KIAA1549L: variants seen among roughly 807,000 people sequenced by gnomAD.
KIAA1549L encodes UPF0606 protein KIAA1549L.
Under a neutral mutation model 160.7 loss-of-function variants are expected in KIAA1549L, and 88 were observed. That is an observed-to-expected ratio of 0.55 (90% CI 0.46 to 0.65). The LOEUF is 0.65. Among genes scored for constraint, KIAA1549L ranks in the 30% least tolerant of loss-of-function variants. The pLI, the probability that KIAA1549L is intolerant of heterozygous loss-of-function variation, is 0.00. For missense variants in KIAA1549L, 2,258 were observed against 2,437.5 expected (o/e 0.93, Z 1.55); for synonymous variants, 950 against 976.7 (o/e 0.97, Z 0.51).
chr11:33,476,266 G>A (rs558828040), intron 1 of KIAA1549L, among the ~76,000 whole-genome samples: 1 of 152,210 alleles, frequency 6.6e-6, no homozygotes, highest in East Asian at 1.9e-4. Flanking sequence ...ATAAGACATC[G>A]AGATGAATGA....
At chr11:33,642,577 A>C (rs1208297870) in intron 16 of KIAA1549L, among the ~76,000 whole-genome samples, 2 of 98,016 alleles carry the variant, frequency 2.0e-5, no homozygotes, top group Non-Finnish European at 4.0e-5. Context: ...ATTTAAAGAG[A>C]GTGACGGGGT....
chr11:33,498,493 C>G (rs1160810475), intron 1 of KIAA1549L, among the ~76,000 whole-genome samples: 1 of 152,116 alleles, frequency 6.6e-6, no homozygotes, highest in Non-Finnish European at 1.5e-5. Context: ...CAGTGAGGAC[C>G]AACTTGGATA....
At position 33,670,803 on chromosome 11, in the gene KIAA1549L, T is replaced by A. The variant is rs59512852; in HGVS notation, c.*2649T>A. On this transcript the variant is annotated 3_prime_UTR_variant, in exon 21 of 21. Coordinates refer to ENST00000658780, the MANE Select transcript of KIAA1549L (RefSeq NM_012194.3). ...ACCCTGTTCATCAGAACCCTCTAGA[T>A]AGTCACAGAAGCCACAAAAGGACCT... The A allele has an allele frequency of 6.6e-6, 1 of 152,260 alleles. No individual in the cohort carries two copies. The highest frequency in any genetic ancestry group is 2.1e-4 in the South Asian group (1 of 4,830). 9.4% of individuals were successfully genotyped at this position (152,260 alleles called of 1,614,324 possible). A position where few individuals can be genotyped will look rare whatever the true frequency, so the allele number is the denominator to read the frequency against.
chr11:33,599,040 G>A (rs1850285931), intron 13 of KIAA1549L, 93 bp downstream of exon 13: 2 of 1,428,380 alleles, frequency 1.4e-6, no homozygotes, highest in Non-Finnish European at 9.6e-7. Context: ...CTCACACACA[G>A]CCACTGGGCT....
At chr11:33,403,345 G>A (rs796101399) in intron 1 of KIAA1549L, 519 of 4,364 alleles carry the variant, frequency 0.12, 6 homozygotes, top group South Asian at 0.26. Context: ...ATGCAGACAC[G>A]CAGACAGACA....
intron 1 of KIAA1549L, among the ~76,000 whole-genome samples, chr11:33,425,249 C>G (rs1162025982): frequency 6.6e-6 from 1 of 152,136 alleles, no homozygotes; most frequent in African/African-American, 2.4e-5. Context: ...TTTCTTACAG[C>G]TCTTCTTCTT....
At chr11:33,604,667 T>C (rs1850451191) in intron 13 of KIAA1549L, among the ~76,000 whole-genome samples, 1 of 152,100 alleles carries the variant, frequency 6.6e-6, no homozygotes, top group Non-Finnish European at 1.5e-5. Flanking sequence ...TGGATGGAGC[T>C]AGAGGCCATT....
At chr11:33,565,772 C>T (rs1855028513) in intron 8 of KIAA1549L, among the ~76,000 whole-genome samples, 1 of 150,402 alleles carries the variant, frequency 6.6e-6, no homozygotes, top group Non-Finnish European at 1.5e-5. Flanking sequence ...AATCTCAGCA[C>T]TTTGGGAGGC....
At chr11:33,572,654 T>C (rs528419363) in intron 9 of KIAA1549L, among the ~76,000 whole-genome samples, 1 of 152,260 alleles carries the variant, frequency 6.6e-6, no homozygotes, top group Non-Finnish European at 1.5e-5. Flanking sequence ...ATTTTTTTGC[T>C]GAATAATATT....
rs756189410 is a variant in KIAA1549L at position 33,568,182 on chromosome 11, C to T, written c.4185C>T (p.Gly1395=). ...TATTCATGATGTCCCAGCAACAAGGCCGGCGGTTTAAACGGGCCACCACCC... is the reference window on the plus strand; with the variant it reads ...TATTCATGATGTCCCAGCAACAAGGTCGGCGGTTTAAACGGGCCACCACCC... ...AQLFMMSQQQ[G]RRFKRATTLG... The change falls in exon 9 of 21, where the codon GGC becomes GGT. Residue 1395 remains glycine (G), a synonymous_variant. Coordinates refer to ENST00000658780, the MANE Select transcript of KIAA1549L (RefSeq NM_012194.3). 31 of 1,613,538 alleles carry T rather than the reference C, an allele frequency of 1.9e-5. No individual in the cohort carries two copies. The South Asian group carries it at 2.9e-4, about 15-fold the overall frequency.
At chr11:33,585,952 G>A (rs1439835110) in intron 11 of KIAA1549L, among the ~76,000 whole-genome samples, 2 of 152,192 alleles carry the variant, frequency 1.3e-5, no homozygotes, top group East Asian at 3.8e-4. Flanking sequence ...ATGAGGCTGG[G>A]CTACATATTT....
intron 17 of KIAA1549L, among the ~76,000 whole-genome samples, chr11:33,651,235 A>G (rs2133419491): frequency 6.6e-6 from 1 of 152,220 alleles, no homozygotes; most frequent in East Asian, 1.9e-4. Flanking sequence ...TCAGGAGTGC[A>G]AGACCAGCCT....
chr11:33,580,897 A>G (rs938017016), intron 10 of KIAA1549L, among the ~76,000 whole-genome samples: 6 of 152,214 alleles, frequency 3.9e-5, no homozygotes, highest in African/African-American at 1.4e-4. Context: ...AGTGGTTGCA[A>G]TTTTAAATTG....
At chr11:33,590,310 C>A (rs557493044) in intron 11 of KIAA1549L, among the ~76,000 whole-genome samples, 1 of 152,268 alleles carries the variant, frequency 6.6e-6, no homozygotes, top group Admixed American at 6.5e-5. Context: ...TAATGAATGA[C>A]GGAGTCGGGA....
chr11:33,539,156 AT>A (rs942673079), intron 1 of KIAA1549L, among the ~76,000 whole-genome samples: 18 of 151,528 alleles, frequency 1.2e-4, no homozygotes, highest in African/African-American at 1.9e-4. Context: ...ATCATTGAGC[AT>A]TTTTTTTTAA....
At chr11:33,614,181 G>C (rs1850718530) in intron 15 of KIAA1549L, among the ~76,000 whole-genome samples, 1 of 152,084 alleles carries the variant, frequency 6.6e-6, no homozygotes, top group Non-Finnish European at 1.5e-5. Context: ...ACATTTTCTA[G>C]TTTCTATATT....
chr11:33,614,212 GCCTTGCTGA>G (rs1024673834), intron 15 of KIAA1549L, among the ~76,000 whole-genome samples: 1 of 151,968 alleles, frequency 6.6e-6, no homozygotes, highest in African/African-American at 2.4e-5. Context: ...GACATCTGGG[GCCTTGCTGA>G]CCCCAGAGAA....
intron 18 of KIAA1549L, 86 bp downstream of exon 18, chr11:33,656,195 A>G: frequency 2.0e-6 from 2 of 977,876 alleles, no homozygotes; most frequent in South Asian, 2.8e-5. Flanking sequence ...GCACCGGCAA[A>G]TTTCCTTCAT....
At position 33,671,031 on chromosome 11, in the gene KIAA1549L, T is replaced by C. The variant is rs982439403; in HGVS notation, c.*2877T>C. On this transcript the variant is annotated 3_prime_UTR_variant, in exon 21 of 21. Transcript: ENST00000658780. ...TCATATGAAGAACTCCATAATGTTC[T>C]TGCCAAGAAAAAAGATGATTGAGTA... The C allele has an allele frequency of 6.6e-6, 1 of 152,212 alleles. No individual in the cohort carries two copies. Among genetic ancestry groups the C allele is most frequent in the African/African-American group, 2.4e-5 (1 of 41,456 alleles). 9.4% of individuals were successfully genotyped at this position (152,212 alleles called of 1,614,324 possible).
Sources: allele counts gnomAD v4.1 joint callset (sites outside exome capture counted in the v4.1 genomes callset), GRCh38; gene constraint gnomAD v4.1.1; transcripts MANE v1.5; gene names NCBI Gene and HGNC (gene_info 2026-07-23, HGNC 2026-07-21).